Variants in LYPD5 observed in about 807,000 individuals in gnomAD.
LYPD5 encodes the protein ly6/PLAUR domain-containing protein 5.
In LYPD5, 21 loss-of-function variants were observed where a neutral mutation model predicts 19.1. That is an observed-to-expected ratio of 1.10 (90% CI 0.78 to 1.58). The LOEUF (loss-of-function observed/expected upper bound fraction) is 1.58. Ranked by LOEUF, LYPD5 falls within the 40% of genes most tolerant of loss-of-function variation. LYPD5 has a pLI of 0.00. For synonymous variants in LYPD5, 128 were observed against 142.7 expected, an observed-to-expected ratio of 0.90 and a Z score of 0.74; for missense variants, 287 against 329.8, an observed-to-expected ratio of 0.87 and a Z score of 1.00.
upstream of LYPD5, among the ~76,000 whole-genome samples, chr19:43,804,513 G>A (rs1002649272): frequency 6.6e-6 from 1 of 152,142 alleles, no homozygotes; most frequent in African/African-American, 2.4e-5. Context: ...TTTCAGTGGA[G>A]TTGAGTTCAG....
upstream of LYPD5, among the ~76,000 whole-genome samples, chr19:43,802,909 G>C (rs1970240874): frequency 6.6e-6 from 1 of 152,150 alleles, no homozygotes; most frequent in Admixed American, 6.5e-5. Context: ...GCTAGCGTCT[G>C]TCTCCCCTAC....
At chr19:43,810,565 C>CTCCCCTCCCCTCCCTTCCCCTCCT in intron 1 of LYPD5, among the ~76,000 whole-genome samples, 1 of 103,992 alleles carries the variant, frequency 9.6e-6, no homozygotes, top group African/African-American at 3.8e-5. Flanking sequence ...CTTCCCCTCC[C>CTCCCCTCCCCTCCCTTCCCCTCCT]CTCCCCTCCC....
chr19:43,799,131 C>A lies in LYPD5; in HGVS notation c.194-143G>T, dbSNP rs1030864805. On this transcript the variant is annotated intron_variant, in intron 2 of 4. Transcript: ENST00000377950. ...TTCCCTCCTTCCTCTCACCCCCAGA[C>A]CTTTTCCCCCGAGTTCTTCTCTTCC... 7.0e-5 allele frequency: 65 copies of A among 929,610 alleles called. No individual in the cohort carries two copies. In the African/African-American group the frequency reaches 1.1e-3, roughly 15 times the overall value. 57.6% of individuals were successfully genotyped at this position (929,610 alleles called of 1,614,324 possible). A position where few individuals can be genotyped will look rare whatever the true frequency, so the allele number is the denominator to read the frequency against.
chr19:43,814,564 C>A (rs1808392765), intron 1 of LYPD5, among the ~76,000 whole-genome samples: 1 of 152,142 alleles, frequency 6.6e-6, no homozygotes, highest in Non-Finnish European at 1.5e-5. Flanking sequence ...TTACCTTCAC[C>A]ACTGCCTGTA....
intron 1 of LYPD5, among the ~76,000 whole-genome samples, chr19:43,813,473 A>C (rs576586898): frequency 9.2e-5 from 14 of 152,154 alleles, no homozygotes; most frequent in Admixed American, 2.6e-4. Context: ...TTTCCTTATA[A>C]ATTACCTAGA....
chr19:43,815,242 G>A (rs188515397), intron 1 of LYPD5, among the ~76,000 whole-genome samples: 42 of 152,078 alleles, frequency 2.8e-4, no homozygotes, highest in Admixed American at 6.6e-4. Flanking sequence ...GATGGGTCAC[G>A]CCTGTAATCT....
Position 43,797,011 on chromosome 19 carries a change from A to AGGGCATACTGCTTATTGGGCTTCTCATG in LYPD5, c.*579_*580insCATGAGAAGCCCAATAAGCAGTATGCCC, listed in dbSNP as rs1970139668. The AGGGCATACTGCTTATTGGGCTTCTCATG allele has an allele frequency of 6.6e-6, 1 of 152,184 alleles. No homozygotes were observed. The highest frequency in any genetic ancestry group is 2.4e-5 in the African/African-American group (1 of 41,360). 9.4% of individuals were successfully genotyped at this position (152,184 alleles called of 1,614,324 possible). ...GCAGCTTAGCTCCAGAGCCTGGCTT[A>AGGGCATACTGCTTATTGGGCTTCTCATG]AGTAACTCACCCATGGTCTCTGTAG... On this transcript the variant is annotated 3_prime_UTR_variant, in exon 5 of 5. Coordinates refer to ENST00000377950, the MANE Select transcript of LYPD5 (RefSeq NM_001031749.3).
chr19:43,802,350 G>T lies in LYPD5; in HGVS notation c.31C>A (p.Leu11Ile). MAMGVPRVIL[L>I]CLFGAALCLT... ...CAGAGCGCAGCCCCAAAGAGGCAGA[G>T]CAGAATGACTCTGGGGACCCCCATT... The change falls in exon 1 of 5, where the codon CTC (leucine) becomes ATC (isoleucine). Residue 11 changes from leucine (L) to isoleucine (I), a missense_variant. Physicochemically the swap from Leu to Ile is conservative, Grantham distance 5 (BLOSUM62 2). Transcript: ENST00000377950. The T allele has an allele frequency of 1.3e-6, 2 of 1,551,700 alleles. No individual in the cohort carries two copies. Among genetic ancestry groups the T allele is most frequent in the Non-Finnish European group, 8.7e-7 (1 of 1,146,984 alleles).
At chr19:43,812,378 A>ATCTGTC (rs1568406587) in intron 1 of LYPD5, among the ~76,000 whole-genome samples, 8 of 54,940 alleles carry the variant, frequency 1.5e-4, no homozygotes, top group African/African-American at 4.8e-4. Flanking sequence ...TCTATCTATC[A>ATCTGTC]ATCTATCATC....
In LYPD5 at chr19:43,797,292, T is replaced by G; in HGVS notation, c.*299A>C. ...TCTGGAGGGAGAGCACAGGAAGCCG[T>G]GTTATGGGGTGCCTGGTGCCTGGCT... On this transcript the variant is annotated 3_prime_UTR_variant, in exon 5 of 5. Transcript: ENST00000377950. 6 of 358,922 alleles carry G rather than the reference T, an allele frequency of 1.7e-5. No individual in the cohort carries two copies. Among genetic ancestry groups the G allele is most frequent in the Non-Finnish European group, 2.0e-5 (4 of 196,666 alleles). 22.2% of individuals were successfully genotyped at this position (358,922 alleles called of 1,614,324 possible). A position where few individuals can be genotyped will look rare whatever the true frequency, so the allele number is the denominator to read the frequency against.
Position 43,796,622 on chromosome 19 carries a change from A to G in LYPD5, c.*969T>C, listed in dbSNP as rs564570241. 7 of 152,310 alleles carry G rather than the reference A, an allele frequency of 4.6e-5. No homozygotes were observed. Among genetic ancestry groups the G allele is most frequent in the East Asian group, 3.9e-4 (2 of 5,184 alleles). 9.4% of individuals were successfully genotyped at this position (152,310 alleles called of 1,614,324 possible). A position where few individuals can be genotyped will look rare whatever the true frequency, so the allele number is the denominator to read the frequency against. ...GCCTTGTGTGTTTTTCTGTGAAGTT[A>G]ATCGGCACTCATGTGTTTAGGAGGT... is the stretch of plus-strand genomic sequence containing the variant. On this transcript the variant is annotated 3_prime_UTR_variant, in exon 5 of 5. Transcript: ENST00000377950.
chr19:43,815,571 T>C (rs1382647251), intron 1 of LYPD5, among the ~76,000 whole-genome samples: 2 of 151,528 alleles, frequency 1.3e-5, no homozygotes, highest in Non-Finnish European at 2.9e-5. Flanking sequence ...CAAGACTCTG[T>C]CTAAAACAAA....
chr19:43,799,932 C>T (rs1481318915), intron 1 of LYPD5, 98 bp from the exon 2 acceptor site: 10 of 1,388,446 alleles, frequency 7.2e-6, no homozygotes, highest in South Asian at 2.9e-5. Flanking sequence ...CGGGCCTGGC[C>T]CCTCTGCTCC....
At position 43,796,396 on chromosome 19, in the gene LYPD5, C is replaced by G. The variant is rs1599691289; in HGVS notation, c.*1195G>C. On this transcript the variant is annotated 3_prime_UTR_variant, in exon 5 of 5. Transcript: ENST00000377950. ...CATGCAGTTATGAAAGTGTCCTGCA[C>G]TCATGAAAGTGTCCTGCACTCCTTG... 1 of 48,484 alleles carries G rather than the reference C, an allele frequency of 2.1e-5. No individual in the cohort carries two copies. Among genetic ancestry groups the G allele is most frequent in the Non-Finnish European group, 5.1e-5 (1 of 19,556 alleles). 3.0% of individuals were successfully genotyped at this position (48,484 alleles called of 1,614,324 possible).
chr19:43,796,346 T>C lies in LYPD5; in HGVS notation c.*1245A>G, dbSNP rs1259778749. On this transcript the variant is annotated 3_prime_UTR_variant, in exon 5 of 5. Coordinates refer to ENST00000377950, the MANE Select transcript of LYPD5 (RefSeq NM_001031749.3). Reference sequence around the variant, plus strand: ...TCAAGCATGTGCACAGAGAACATGCTAAAGGATCCCATCTCTATGAAGTTC... The same window carrying C: ...TCAAGCATGTGCACAGAGAACATGCCAAAGGATCCCATCTCTATGAAGTTC... 1.3e-5 allele frequency: 2 copies of C among 149,196 alleles called. No homozygotes were observed. Among genetic ancestry groups the C allele is most frequent in the Non-Finnish European group, 3.0e-5 (2 of 66,986 alleles). 9.2% of individuals were successfully genotyped at this position (149,196 alleles called of 1,614,324 possible).
intron 1 of LYPD5, among the ~76,000 whole-genome samples, chr19:43,814,747 A>T (rs567253291): frequency 1.3e-5 from 2 of 152,354 alleles, no homozygotes; most frequent in Non-Finnish European, 1.5e-5. Flanking sequence ...AGCTGCAACC[A>T]AGGTCAGTGA....
upstream of LYPD5, among the ~76,000 whole-genome samples, chr19:43,804,221 TG>T (rs1391092622): frequency 2.6e-5 from 4 of 152,176 alleles, no homozygotes; most frequent in East Asian, 7.7e-4. Context: ...TTCAAGGACC[TG>T]GGAATTATCC....
intron 1 of LYPD5, among the ~76,000 whole-genome samples, chr19:43,814,895 T>C (rs892840359): frequency 2.0e-5 from 3 of 152,238 alleles, no homozygotes; most frequent in Middle Eastern, 3.2e-3. Flanking sequence ...TTTAGTCATA[T>C]AGATACTTGA....
upstream of LYPD5, among the ~76,000 whole-genome samples, chr19:43,802,886 C>G (rs62116997): frequency 0.29 from 44,696 of 152,004 alleles, 7,125 homozygotes; most frequent in Non-Finnish European, 0.38. Context: ...CAGCCCTGAT[C>G]AAACTAGGCT....
Sources: gnomAD v4.1 joint callset for allele counts (sites outside exome capture counted in the v4.1 genomes callset) on GRCh38, gnomAD v4.1.1 for gene constraint, MANE v1.5 for transcripts, NCBI Gene and HGNC (gene_info 2026-07-23, HGNC 2026-07-21) for gene names.